HMOX1: variants seen among roughly 807,000 people sequenced by gnomAD.
HMOX1 encodes heme oxygenase 1, also known as heat shock protein, 32-kD.
A neutral mutation model predicts 27.8 loss-of-function variants in HMOX1; 22 were observed. The ratio of observed to expected loss-of-function variants is 0.79; its 90% CI spans 0.57 to 1.13. HMOX1 has a LOEUF of 1.13. Among genes scored for constraint, HMOX1 ranks in the 50% most tolerant of loss-of-function variants. HMOX1 has a pLI of 0.00. For synonymous variants in HMOX1, 153 were observed against 151.6 expected, an observed-to-expected ratio of 1.01 and a Z score of -0.07; for missense variants, 379 against 377.7, an observed-to-expected ratio of 1.00 and a Z score of -0.03.
intron 2 of HMOX1, 68 bp downstream of exon 2, chr22:35,383,294 C>T: frequency 1.9e-6 from 3 of 1,580,844 alleles, no homozygotes; most frequent in East Asian, 2.3e-5. Context: ...AAGGCTCAGA[C>T]CAGTGGTTTA....
At chr22:35,386,090 GA>G (rs1263835249) in intron 2 of HMOX1, among the ~76,000 whole-genome samples, 3 of 151,920 alleles carry the variant, frequency 2.0e-5, no homozygotes, top group African/African-American at 7.3e-5. Flanking sequence ...TGAGTAGCTG[GA>G]ACTACAGGCG....
rs201083816 is a variant in HMOX1 at position 35,389,943 on chromosome 22, G to A, written c.716G>A (p.Arg239Gln). ...SPSRAPGLRQRASNKVQDSAP... is the reference protein window; with the variant it reads ...SPSRAPGLRQQASNKVQDSAP... ...TCACGGGCACCAGGGCTTCGCCAGC[G>A]GGCCAGCAACAAAGTGCAAGGTGAG... Residue 239 changes from arginine (R) to glutamine (Q), a missense_variant, in exon 4 of 5, where the codon CGG becomes CAG. Arg to Gln is a conservative substitution (Grantham distance 43, BLOSUM62 1). Transcript: ENST00000216117. 3.9e-5 allele frequency: 63 copies of A among 1,611,204 alleles called. No homozygotes were observed. The highest frequency in any genetic ancestry group is 1.5e-4 in the Admixed American group (9 of 59,808).
rs1569057604 is a variant in HMOX1 at position 35,389,389 on chromosome 22, TTCCTTC to T, written c.637-474_637-469del. Among the ~76,000 whole-genome samples, 610 of 75,518 alleles carry T rather than the reference TTCCTTC, an allele frequency of 8.1e-3. 5 individuals are homozygous for T. Among genetic ancestry groups the T allele is most frequent in the Non-Finnish European group, 0.011 (436 of 41,362 alleles). The allele number at this position is 75,518 out of a possible 152,430, so 49.5% of individuals were successfully genotyped here. A position where few individuals can be genotyped will look rare whatever the true frequency, so the allele number is the denominator to read the frequency against. On this transcript the variant is annotated intron_variant, in intron 3 of 4. Transcript: ENST00000216117. ...CTTCCTTCCTTCCTTCCTTCCTTCC[TTCCTTC>T]CTTTCTTTCTTTCTTTCTTTCTTTC...
Position 35,389,169 on chromosome 22 carries a change from G to A in HMOX1, c.637-695G>A, listed in dbSNP as rs555519536. ...GGCTTGGAACATCTTATCTCTTAAG[G>A]TGGATGAAAGGGATATGAATTTTCT... On this transcript the variant is annotated intron_variant, in intron 3 of 4. Transcript: ENST00000216117. Among the ~76,000 whole-genome samples the A allele has an allele frequency of 3.3e-5, 5 of 150,846 alleles. No individual in the cohort carries two copies. In the South Asian group the frequency reaches 1.0e-3, roughly 32 times the overall value.
chr22:35,390,642 C>T (rs929236069), intron 4 of HMOX1, among the ~76,000 whole-genome samples: 6 of 152,162 alleles, frequency 3.9e-5, no homozygotes, highest in Admixed American at 2.0e-4. Context: ...TTTCCCCACC[C>T]GTAAAATCCA....
At chr22:35,389,624 A>G (rs987764071) in intron 3 of HMOX1, among the ~76,000 whole-genome samples, 4 of 150,582 alleles carry the variant, frequency 2.7e-5, no homozygotes, top group African/African-American at 9.9e-5. Flanking sequence ...TTGTATCTTT[A>G]CTAGAGATGG....
intron 4 of HMOX1, among the ~76,000 whole-genome samples, chr22:35,392,974 C>T (rs1233828583): frequency 6.6e-6 from 1 of 152,154 alleles, no homozygotes; most frequent in African/African-American, 2.4e-5. Flanking sequence ...CCTTGGCCTC[C>T]CAAAGTGCTG....
chr22:35,386,795 C>T lies in HMOX1; in HGVS notation c.255C>T (p.Arg85=). The change falls in exon 3 of 5, where the codon CGC becomes CGT. Residue 85 remains arginine, a synonymous_variant. Transcript: ENST00000216117. ...TCTACTTCCCAGAAGAGCTGCACCG[C>T]AAGGCTGCCCTGGAGCAGGACCTGG... ...APVYFPEELH[R]KAALEQDLAF... The T allele has an allele frequency of 6.2e-7, 1 of 1,614,228 alleles. No individual in the cohort carries two copies.
intron 4 of HMOX1, among the ~76,000 whole-genome samples, chr22:35,391,298 T>C (rs1271458508): frequency 1.3e-5 from 1 of 79,140 alleles, no homozygotes; most frequent in Non-Finnish European, 3.2e-5. Context: ...TTTGGTTTTT[T>C]TTTTTTCGTT....
At chr22:35,389,530 C>A (rs997605486) in intron 3 of HMOX1, among the ~76,000 whole-genome samples, 1 of 150,916 alleles carries the variant, frequency 6.6e-6, no homozygotes, top group Non-Finnish European at 1.5e-5. Flanking sequence ...GCAACCTCAG[C>A]TTCCCAGGTT....
rs75125910 is a variant in HMOX1 at position 35,390,666 on chromosome 22, A to G, written c.736+703A>G. Among the ~76,000 whole-genome samples the G allele has an allele frequency of 8.3e-3, 1,258 of 152,242 alleles. 7 individuals carry two copies. Among genetic ancestry groups the G allele is most frequent in the Non-Finnish European group, 0.013 (897 of 68,014 alleles). ...CCGTAAAATCCAGTGAGGTTCAGCT[A>G]CTTCTAGCTTATTGGCTCAGAAGTG... On this transcript the variant is annotated intron_variant, in intron 4 of 4. Coordinates refer to ENST00000216117, the MANE Select transcript of HMOX1 (RefSeq NM_002133.3).
intron 4 of HMOX1, 103 bp downstream of exon 4, chr22:35,390,066 G>A: frequency 1.2e-6 from 1 of 858,468 alleles, no homozygotes; most frequent in Non-Finnish European, 1.9e-6. Context: ...ATGTTTGGTG[G>A]TGGTGGGTGT....
chr22:35,385,654 C>A (rs759931024), intron 2 of HMOX1, among the ~76,000 whole-genome samples: 7 of 142,702 alleles, frequency 4.9e-5, no homozygotes, highest in Non-Finnish European at 9.0e-5. Context: ...CTTGCTCTGT[C>A]GCCCAGGCTG....
At chr22:35,382,759 C>T (rs1028663079) in intron 1 of HMOX1, among the ~76,000 whole-genome samples, 2 of 151,438 alleles carry the variant, frequency 1.3e-5, no homozygotes, top group African/African-American at 4.9e-5. Context: ...ACCTCTGCCT[C>T]CGGGATTCAA....
chr22:35,393,404 T>C, intron 4 of HMOX1, 64 bp from the exon 5 acceptor site: 2 of 1,608,786 alleles, frequency 1.2e-6, no homozygotes, highest in Non-Finnish European at 1.7e-6. Context: ...TTTGCTTTCC[T>C]ATGACATCAG....
intron 4 of HMOX1, among the ~76,000 whole-genome samples, chr22:35,391,586 CTTTTTTTTTTTT>C (rs56153278): frequency 2.2e-5 from 2 of 89,008 alleles, no homozygotes; most frequent in Non-Finnish European, 4.0e-5. Context: ...CGCGCCCGGC[CTTTTTTTTTTTT>C]TTTTTTTTTT....
rs1285751331 is a variant in HMOX1, at chr22:35,389,287, CTCTTCTT to C, written c.637-565_637-559del. ...CTCTCTCTCTCTCCTCTCTCTCTCT[CTCTTCTT>C]TCTTCTTTCTTTCTTTCTTTCTTTC... is the stretch of plus-strand genomic sequence containing the variant. On this transcript the variant is annotated intron_variant, in intron 3 of 4. Coordinates refer to ENST00000216117, the MANE Select transcript of HMOX1 (RefSeq NM_002133.3). Among the ~76,000 whole-genome samples the C allele has an allele frequency of 9.3e-4, 94 of 101,464 alleles. 16 individuals carry two copies. The highest frequency in any genetic ancestry group is 4.2e-3 in the African/African-American group (87 of 20,922). The allele number at this position is 101,464 out of a possible 152,430, so 66.6% of individuals were successfully genotyped here. A position where few individuals can be genotyped will look rare whatever the true frequency, so the allele number is the denominator to read the frequency against.
intron 2 of HMOX1, 47 bp from the exon 3 acceptor site, chr22:35,386,638 G>C: frequency 6.2e-7 from 1 of 1,613,268 alleles, no homozygotes; most frequent in South Asian, 1.1e-5. Flanking sequence ...ACAGAGGTGG[G>C]GGTCTTCTAT....
intron 4 of HMOX1, 131 bp from the exon 5 acceptor site, chr22:35,393,337 C>A (rs1407246260): frequency 2.7e-6 from 3 of 1,096,288 alleles, no homozygotes; most frequent in African/African-American, 3.1e-5. Context: ...TGTCTGTGGT[C>A]TTGCAGAATC....
Sources: allele counts gnomAD v4.1 joint callset (sites outside exome capture counted in the v4.1 genomes callset), GRCh38; gene constraint gnomAD v4.1.1; transcripts MANE v1.5; gene names NCBI Gene and HGNC (gene_info 2026-07-23, HGNC 2026-07-21).